Variants in ZNF347 observed in about 807,000 individuals in gnomAD.
The protein encoded by ZNF347 is CTD-2620I22.7.
In ZNF347, 19 loss-of-function variants were observed where a neutral mutation model predicts 12.9. The observed-to-expected ratio is 1.47, with a 90% confidence interval of 1.03 to 2.16. ZNF347 has a LOEUF of 2.16. Among genes scored for constraint, ZNF347 ranks in the 30% most tolerant of loss-of-function variants. ZNF347 has a pLI of 0.00. For synonymous variants in ZNF347, 328 were observed against 340.6 expected (o/e 0.96, Z 0.41); for missense variants, 1,005 against 990.6 (o/e 1.01, Z -0.19).
chr19:53,149,606 G>T, intron 2 of ZNF347: 1 of 666,060 alleles, frequency 1.5e-6, no homozygotes, highest in Non-Finnish European at 2.2e-6. Flanking sequence ...CCCCAAGATA[G>T]TTTCAGAATG....
chr19:53,145,979 A>T (rs910669309), intron 4 of ZNF347, among the ~76,000 whole-genome samples: 90 of 145,714 alleles, frequency 6.2e-4, no homozygotes, highest in Middle Eastern at 3.5e-3. Context: ...TTAAAAAAAA[A>T]TTTTTTTTTT....
intron 4 of ZNF347, among the ~76,000 whole-genome samples, chr19:53,146,806 A>C (rs559024655): frequency 6.6e-6 from 1 of 152,278 alleles, no homozygotes; most frequent in African/African-American, 2.4e-5. Flanking sequence ...ACAACCTATC[A>C]AGATTGAAAC....
At chr19:53,149,687 C>T (rs2090485444) in intron 2 of ZNF347, among the ~76,000 whole-genome samples, 2 of 152,248 alleles carry the variant, frequency 1.3e-5, no homozygotes, top group South Asian at 4.1e-4. Context: ...CCCCAACTTA[C>T]CCTGAGGGGA....
intron 4 of ZNF347, among the ~76,000 whole-genome samples, chr19:53,148,187 A>G (rs1284828475): frequency 6.6e-6 from 1 of 152,218 alleles, no homozygotes; most frequent in Admixed American, 6.5e-5. Context: ...AATAAAAAGC[A>G]TACAGATTGA....
At position 53,140,544 on chromosome 19, in the gene ZNF347, C is replaced by T; in HGVS notation, c.2284G>A (p.Glu762Lys). 6.2e-7 allele frequency: 1 copy of T among 1,613,894 alleles called. No individual in the cohort carries two copies. Among genetic ancestry groups the T allele is most frequent in the Non-Finnish European group, 8.5e-7 (1 of 1,179,942 alleles). ...LARHRGIHTGEKPYKCNECGK... is the reference protein window; with the variant it reads ...LARHRGIHTGKKPYKCNECGK... ...CACTCATTACACTTGTAAGGTTTCT[C>T]TCCAGTATGAATTCCCCGATGTCTT... Residue 762 changes from glutamate to lysine, a missense_variant, in exon 5 of 5, where the codon GAG becomes AAG. Glu to Lys is a moderately conservative substitution (Grantham distance 56). Coordinates refer to ENST00000334197, the MANE Select transcript of ZNF347 (RefSeq NM_032584.3).
chr19:53,154,698 G>C (rs2090520642), intron 1 of ZNF347, among the ~76,000 whole-genome samples: 1 of 152,056 alleles, frequency 6.6e-6, no homozygotes, highest in African/African-American at 2.4e-5. Flanking sequence ...GCTACTGATA[G>C]GAATGGAAAG....
At chr19:53,143,837 C>T (rs952261845) in intron 4 of ZNF347, among the ~76,000 whole-genome samples, 1 of 152,064 alleles carries the variant, frequency 6.6e-6, no homozygotes, top group Non-Finnish European at 1.5e-5. Context: ...AGTTTACAGT[C>T]CCACCAACAG....
intron 4 of ZNF347, among the ~76,000 whole-genome samples, chr19:53,147,396 CAAAA>C (rs71335698): frequency 1.1e-3 from 159 of 151,266 alleles, no homozygotes; most frequent in African/African-American, 3.6e-3. Context: ...AACAAACAAA[CAAAA>C]AAACACAATT....
At position 53,141,798 on chromosome 19, in the gene ZNF347, G is replaced by A; in HGVS notation, c.1030C>T (p.Pro344Ser). The A allele has an allele frequency of 2.5e-6, 4 of 1,613,990 alleles. No homozygotes were observed. The highest frequency in any genetic ancestry group is 3.4e-6 in the Non-Finnish European group (4 of 1,179,982). The change falls in exon 5 of 5, where the codon CCT becomes TCT. Residue 344 changes from proline to serine, a missense_variant. Pro to Ser is a moderately conservative substitution (Grantham distance 74, BLOSUM62 -1). Transcript: ENST00000334197. ...TTGCCACATTCGTTACATTTATAAGGTTTCTCTCCAGTGTGAATTTTCTGA... is the reference window on the plus strand; with the variant it reads ...TTGCCACATTCGTTACATTTATAAGATTTCTCTCCAGTGTGAATTTTCTGA... ...QHQKIHTGEK[P>S]YKCNECGKVF...
chr19:53,157,133 T>C (rs1237681786), intron 1 of ZNF347, among the ~76,000 whole-genome samples: 2 of 152,194 alleles, frequency 1.3e-5, no homozygotes, highest in Admixed American at 6.5e-5. Context: ...CTGGTTTGAA[T>C]AGTGATTGCA....
At position 53,135,791 on chromosome 19, in the gene ZNF347, G is replaced by T. The variant is rs1295212568; in HGVS notation, c.*4517C>A. On this transcript the variant is annotated 3_prime_UTR_variant, in exon 5 of 5. Coordinates refer to ENST00000334197, the MANE Select transcript of ZNF347 (RefSeq NM_032584.3). ...TTACACATAAAGCATTAATAACTGTGATTCTTACTCTAAATGTGATTGATA... is the reference window on the plus strand; with the variant it reads ...TTACACATAAAGCATTAATAACTGTTATTCTTACTCTAAATGTGATTGATA... The T allele has an allele frequency of 6.6e-6, 1 of 152,110 alleles. No individual in the cohort carries two copies. Among genetic ancestry groups the T allele is most frequent in the Non-Finnish European group, 1.5e-5 (1 of 68,024 alleles). 9.4% of individuals were successfully genotyped at this position (152,110 alleles called of 1,614,324 possible).
rs149665193 is a variant in ZNF347, at chr19:53,155,217, C to T, written c.-46-1424G>A. On this transcript the variant is annotated intron_variant, in intron 1 of 4. Transcript: ENST00000334197. Reference sequence around the variant, plus strand: ...CCTCTCAAAGTGCTGGGATTACAGCCGTCAGCCACCGTGCCTGGCCAATTT... The same window carrying T: ...CCTCTCAAAGTGCTGGGATTACAGCTGTCAGCCACCGTGCCTGGCCAATTT... Among the ~76,000 whole-genome samples the T allele has an allele frequency of 2.7e-3, 403 of 151,212 alleles. 3 individuals carry two copies. The highest frequency in any genetic ancestry group is 9.0e-3 in the African/African-American group (371 of 41,206).
Position 53,141,669 on chromosome 19 carries a change from T to C in ZNF347, c.1159A>G (p.Ser387Gly). ...TGGGTTGCCTGATGGATAGCTAAGC[T>C]TGAACGAGCTCTAAAGGCTTTCCCA... ...ECGKAFRARSSLAIHQATHSG... is the reference protein window; with the variant it reads ...ECGKAFRARSGLAIHQATHSG... The change falls in exon 5 of 5, where the codon AGC (serine) becomes GGC (glycine). Residue 387 changes from serine to glycine, a missense_variant. Ser to Gly is a moderately conservative substitution (Grantham distance 56, BLOSUM62 0). Coordinates refer to ENST00000334197, the MANE Select transcript of ZNF347 (RefSeq NM_032584.3). 1.2e-6 allele frequency: 2 copies of C among 1,614,012 alleles called. No individual in the cohort carries two copies. The highest frequency in any genetic ancestry group is 1.7e-6 in the Non-Finnish European group (2 of 1,179,980).
At chr19:53,158,473 G>A (rs2090550113) in intron 1 of ZNF347, among the ~76,000 whole-genome samples, 1 of 148,338 alleles carries the variant, frequency 6.7e-6, no homozygotes, top group Non-Finnish European at 1.5e-5. Context: ...TCAGGAAAGG[G>A]TTTTAAGCGG....
rs753479537 is a variant in ZNF347 at position 53,142,394 on chromosome 19, C to T, written c.434G>A (p.Cys145Tyr). ...QKNTHGLEYQ[C>Y]RDAEGNYKGV... ...TTTGTAATTTCCTTCAGCATCTCTGCATTGATACTCAAGGCCATGTGTATT... is the reference window on the plus strand; with the variant it reads ...TTTGTAATTTCCTTCAGCATCTCTGTATTGATACTCAAGGCCATGTGTATT... Residue 145 changes from cysteine (C) to tyrosine (Y), a missense_variant, in exon 5 of 5, where the codon TGC (cysteine) becomes TAC (tyrosine). Cys to Tyr is a radical substitution (Grantham distance 194). Coordinates refer to ENST00000334197, the MANE Select transcript of ZNF347 (RefSeq NM_032584.3). The T allele has an allele frequency of 6.2e-6, 10 of 1,613,972 alleles. No individual in the cohort carries two copies. Among genetic ancestry groups the T allele is most frequent in the African/African-American group, 1.3e-5 (1 of 74,906 alleles).
Position 53,140,778 on chromosome 19 carries a change from T to A in ZNF347, c.2050A>T (p.Asn684Tyr). 6.2e-7 allele frequency: 1 copy of A among 1,613,038 alleles called. No individual in the cohort carries two copies. Among genetic ancestry groups the A allele is most frequent in the Non-Finnish European group, 8.5e-7 (1 of 1,179,388 alleles). ...VHTGGKPYQC[N>Y]ECGKAFSQTS... Reference sequence around the variant, plus strand: ...TGACTAAAGGCTTTGCCACATTCATTACACTGGTAAGGTTTACCTCCAGTA... The same window carrying A: ...TGACTAAAGGCTTTGCCACATTCATAACACTGGTAAGGTTTACCTCCAGTA... Residue 684 changes from asparagine to tyrosine, a missense_variant, in exon 5 of 5, where the codon AAT (asparagine) becomes TAT (tyrosine). Transcript: ENST00000334197.
At chr19:53,149,902 A>G (rs1599858206) in intron 2 of ZNF347, among the ~76,000 whole-genome samples, 1 of 152,128 alleles carries the variant, frequency 6.6e-6, no homozygotes. Context: ...ACAGGCATGC[A>G]CCACCACGCC....
In ZNF347 at chr19:53,141,570, A is replaced by G; in HGVS notation, c.1258T>C (p.Trp420Arg). 1 of 1,608,534 alleles carries G rather than the reference A, an allele frequency of 6.2e-7. No individual in the cohort carries two copies. The highest frequency in any genetic ancestry group is 1.1e-5 in the South Asian group (1 of 90,660). ...FTQNSHLTNHWRIHTGEKPYK... is the reference protein window; with the variant it reads ...FTQNSHLTNHRRIHTGEKPYK... The stretch of plus-strand genomic sequence containing the variant: ...GGTTTCTCTCCAGTGTGAATTCTCC[A>G]GTGATTTGTAAGGTGTGAATTTTGA... The change falls in exon 5 of 5, where the codon TGG (tryptophan) becomes CGG (arginine). Residue 420 changes from tryptophan (W) to arginine (R), a missense_variant. Coordinates refer to ENST00000334197, the MANE Select transcript of ZNF347 (RefSeq NM_032584.3).
intron 1 of ZNF347, among the ~76,000 whole-genome samples, chr19:53,156,054 G>GGGGGA (rs2090533267): frequency 8.7e-6 from 1 of 114,706 alleles, no homozygotes; most frequent in Non-Finnish European, 1.9e-5. Flanking sequence ...TCGGGGGGGG[G>GGGGGA]GGGGGGTTAG....
Sources: allele counts gnomAD v4.1 joint callset (sites outside exome capture counted in the v4.1 genomes callset), GRCh38; gene constraint gnomAD v4.1.1; transcripts MANE v1.5; gene names NCBI Gene and HGNC (gene_info 2026-07-23, HGNC 2026-07-21).